The following PPARGC1A variants were observed in gnomAD, a reference collection of about 807,000 sequenced individuals.
PPARGC1A encodes the protein peroxisome proliferator-activated receptor gamma coactivator 1-alpha.
Under a neutral mutation model 88.7 loss-of-function variants are expected in PPARGC1A, and 25 were observed. The ratio of observed to expected loss-of-function variants is 0.28; its 90% CI spans 0.21 to 0.39. The LOEUF (loss-of-function observed/expected upper bound fraction) is 0.39. Among genes scored for constraint, PPARGC1A ranks in the 10% least tolerant of loss-of-function variants. The pLI is 1.00. For synonymous variants in PPARGC1A, 363 were observed against 355.6 expected (o/e 1.02, Z -0.24); for missense variants, 880 against 968.7 (o/e 0.91, Z 1.22).
chr4:24,195,663 A>G, the PPARGC1A span, among the ~76,000 whole-genome samples: 2 of 152,172 alleles, frequency 1.3e-5, no homozygotes, highest in East Asian at 1.9e-4. Context: ...CCTTATGCAA[A>G]CCATCATGAT....
At chr4:24,208,415 G>A in the PPARGC1A span, among the ~76,000 whole-genome samples, 2 of 152,128 alleles carry the variant, frequency 1.3e-5, no homozygotes, top group Non-Finnish European at 2.9e-5. Flanking sequence ...CTGGCTGCAT[G>A]GGATAAAGTG....
At chr4:24,073,008 C>T in the PPARGC1A span, among the ~76,000 whole-genome samples, 1 of 151,674 alleles carries the variant, frequency 6.6e-6, no homozygotes, top group Admixed American at 6.6e-5. Context: ...CCCCAGTACA[C>T]TGTCATCCCT....
chr4:24,317,555 TAAAAAAAAAAAAAAAAAAAAAAA>T, the PPARGC1A span, among the ~76,000 whole-genome samples: 703 of 22,230 alleles, frequency 0.032, 11 homozygotes, highest in African/African-American at 0.066. Context: ...TTCAGAGGAC[TAAAAAAAAAAAAAAAAAAAAAAA>T]AAAAAAAAAA....
chr4:24,314,786 T>C, the PPARGC1A span, among the ~76,000 whole-genome samples: 1 of 152,120 alleles, frequency 6.6e-6, no homozygotes, highest in African/African-American at 2.4e-5. Flanking sequence ...TTAAGTTGAT[T>C]ATTGTTGAAT....
the PPARGC1A span, among the ~76,000 whole-genome samples, chr4:24,128,478 A>T: frequency 1.2e-4 from 18 of 152,100 alleles, no homozygotes; most frequent in Admixed American, 1.2e-3. Context: ...TAACAGAAAG[A>T]ACTAAAGCTG....
chr4:24,138,550 C>T, the PPARGC1A span, among the ~76,000 whole-genome samples: 51 of 152,300 alleles, frequency 3.3e-4, no homozygotes, highest in African/African-American at 1.2e-3. Flanking sequence ...CCTGGTGAAA[C>T]CCCAGAATTA....
the PPARGC1A span, among the ~76,000 whole-genome samples, chr4:24,180,779 C>G: frequency 6.6e-5 from 10 of 152,272 alleles, no homozygotes; most frequent in Admixed American, 1.3e-4. Flanking sequence ...TCATTCTCAT[C>G]CATGTGAACT....
chr4:24,360,040 A>G, the PPARGC1A span, among the ~76,000 whole-genome samples: 1 of 152,138 alleles, frequency 6.6e-6, no homozygotes, highest in African/African-American at 2.4e-5. Flanking sequence ...TCTTTTACTC[A>G]TACAGTTCAC....
the PPARGC1A span, among the ~76,000 whole-genome samples, chr4:24,237,233 C>T: frequency 2.0e-5 from 3 of 150,960 alleles, no homozygotes; most frequent in African/African-American, 4.9e-5. Context: ...ATAGTAATTC[C>T]GAGATTGGAT....
At chr4:24,416,548 C>A in the PPARGC1A span, among the ~76,000 whole-genome samples, 1 of 151,964 alleles carries the variant, frequency 6.6e-6, no homozygotes, top group Non-Finnish European at 1.5e-5. Context: ...TGAGACTAGG[C>A]GAAGGGATCA....
At chr4:24,323,336 T>A in the PPARGC1A span, among the ~76,000 whole-genome samples, 1 of 152,208 alleles carries the variant, frequency 6.6e-6, no homozygotes, top group East Asian at 1.9e-4. Flanking sequence ...GACTTGCACA[T>A]ATACGCCCAG....
the PPARGC1A span, among the ~76,000 whole-genome samples, chr4:24,173,626 GTC>G: frequency 1.3e-5 from 2 of 152,188 alleles, no homozygotes; most frequent in Admixed American, 1.3e-4. Context: ...AGCTGGAAAA[GTC>G]TGAAACATCA....
the PPARGC1A span, among the ~76,000 whole-genome samples, chr4:24,331,969 G>T: frequency 6.6e-6 from 1 of 151,706 alleles, no homozygotes; most frequent in African/African-American, 2.4e-5. Context: ...GGTGTGTGAC[G>T]TTCCCCTCCC....
the PPARGC1A span, among the ~76,000 whole-genome samples, chr4:24,380,213 G>T: frequency 6.6e-6 from 1 of 152,114 alleles, no homozygotes; most frequent in Non-Finnish European, 1.5e-5. Context: ...GTACATGGGA[G>T]TAACTCAAGG....
chr4:23,964,766 T>C, the PPARGC1A span, among the ~76,000 whole-genome samples: 1 of 151,358 alleles, frequency 6.6e-6, no homozygotes, highest in Non-Finnish European at 1.5e-5. Flanking sequence ...CACTGGAGGG[T>C]TGAACAAAGA....
intron 2 of PPARGC1A, among the ~76,000 whole-genome samples, chr4:23,851,076 A>G (rs1027569341): frequency 1.3e-5 from 2 of 152,200 alleles, no homozygotes; most frequent in African/African-American, 4.8e-5. Context: ...CTGACAATTA[A>G]GTTGCTAATA....
chr4:24,032,560 G>C, the PPARGC1A span, among the ~76,000 whole-genome samples: 4 of 152,138 alleles, frequency 2.6e-5, no homozygotes, highest in Admixed American at 6.5e-5. Context: ...TTGCATTTTT[G>C]AGCCATGTTT....
the PPARGC1A span, among the ~76,000 whole-genome samples, chr4:24,082,485 A>C: frequency 6.6e-6 from 1 of 152,110 alleles, no homozygotes; most frequent in South Asian, 2.1e-4. Context: ...ACTAGCTTAA[A>C]TTGAGCTTGA....
chr4:24,228,262 T>C, the PPARGC1A span, among the ~76,000 whole-genome samples: 5 of 152,322 alleles, frequency 3.3e-5, no homozygotes, highest in Middle Eastern at 6.8e-3. Context: ...TTGACTCTTT[T>C]ATTTCTCAAT....
Sources: allele counts gnomAD v4.1 joint callset (sites outside exome capture counted in the v4.1 genomes callset), GRCh38; gene constraint gnomAD v4.1.1; transcripts MANE v1.5; gene names NCBI Gene and HGNC (gene_info 2026-07-23, HGNC 2026-07-21).